Variants in ZNF30 observed in about 807,000 individuals in gnomAD.
The protein encoded by ZNF30 is zinc finger protein 30 (KOX 28).
In ZNF30, 15 loss-of-function variants were observed where a neutral mutation model predicts 13.2. That is an observed-to-expected ratio of 1.13 (90% CI 0.76 to 1.75). The LOEUF (loss-of-function observed/expected upper bound fraction) is 1.75, where lower values mean the gene tolerates loss of function less well. Among genes scored for constraint, ZNF30 ranks in the 40% most tolerant of loss-of-function variants. The pLI is 0.00. For synonymous variants in ZNF30, 223 were observed against 256.6 expected, an observed-to-expected ratio of 0.87 and a Z score of 1.25; for missense variants, 726 against 757.0, an observed-to-expected ratio of 0.96 and a Z score of 0.48.
Position 34,944,142 on chromosome 19 carries a change from A to G in ZNF30, c.1176A>G (p.Arg392=). ...SRASYLVQHG[R]LHTGEKPYEC... ...CCTCATATCTTGTTCAACATGGAAG[A>G]CTTCACACTGGCGAGAAGCCCTATG... Residue 392 remains arginine (R), a synonymous_variant, in exon 5 of 5, where the codon AGA becomes AGG. Coordinates refer to ENST00000601142, the MANE Select transcript of ZNF30 (RefSeq NM_194325.3). 1 of 1,613,720 alleles carries G rather than the reference A, an allele frequency of 6.2e-7. No individual in the cohort carries two copies. The highest frequency in any genetic ancestry group is 8.5e-7 in the Non-Finnish European group (1 of 1,179,738).
At chr19:34,933,125 T>G (rs62122083) in intron 3 of ZNF30, among the ~76,000 whole-genome samples, 45,791 of 151,706 alleles carry the variant, frequency 0.3, 7,081 homozygotes, top group South Asian at 0.35. Context: ...TTATCTATAT[T>G]TATAATAGTT....
chr19:34,936,721 T>G (rs1434948386), intron 4 of ZNF30, among the ~76,000 whole-genome samples: 1 of 151,930 alleles, frequency 6.6e-6, no homozygotes, highest in East Asian at 1.9e-4. Context: ...CATAGGGATA[T>G]CCCATCTCTA....
Position 34,943,631 on chromosome 19 carries a change from A to T in ZNF30, c.665A>T (p.His222Leu). Reference sequence around the variant, plus strand: ...AGTGGTAGCTATCAACTTACAGTACATAAGAGTATTCATACTGGGAAGAAA... The same window carrying T: ...AGTGGTAGCTATCAACTTACAGTACTTAAGAGTATTCATACTGGGAAGAAA... ...TISGSYQLTV[H>L]KSIHTGKKPY... The change falls in exon 5 of 5, where the codon CAT (histidine) becomes CTT (leucine). Residue 222 changes from histidine to leucine, a missense_variant. Transcript: ENST00000601142. 3 of 1,613,822 alleles carry T rather than the reference A, an allele frequency of 1.9e-6. No individual in the cohort carries two copies. The highest frequency in any genetic ancestry group is 2.7e-5 in the African/African-American group (2 of 75,048).
intron 2 of ZNF30, 119 bp from the exon 3 acceptor site, chr19:34,931,724 C>A: frequency 1.0e-6 from 1 of 957,328 alleles, no homozygotes; most frequent in Non-Finnish European, 1.5e-6. Context: ...CATGCTCATC[C>A]ACTTGCCACA....
chr19:34,944,833 C>T lies in ZNF30; in HGVS notation c.1867C>T (p.Pro623Ser), dbSNP rs1482962725. ...VHLRKHMSVI[P>S] ...TCTGAGAAAACATATGAGTGTTATA[C>T]CCTAAGAGTCTGAGGAGTGTGGGAA... is the stretch of plus-strand genomic sequence containing the variant. Residue 623 changes from proline (P) to serine (S), a missense_variant, in exon 5 of 5, where the codon CCC becomes TCC. Pro to Ser is a moderately conservative substitution (Grantham distance 74, BLOSUM62 -1). Transcript: ENST00000601142. The T allele has an allele frequency of 6.3e-7, 1 of 1,582,962 alleles. No individual in the cohort carries two copies.
chr19:34,928,185 G>A (rs902917502), intron 1 of ZNF30, among the ~76,000 whole-genome samples: 1 of 141,220 alleles, frequency 7.1e-6, no homozygotes, highest in Non-Finnish European at 1.5e-5. Context: ...TCCAGCCTGG[G>A]CGACAGAGCG....
intron 2 of ZNF30, 133 bp from the exon 3 acceptor site, chr19:34,931,710 A>G: frequency 1.2e-6 from 1 of 807,268 alleles, no homozygotes. Flanking sequence ...GAACATGCAG[A>G]TACCATGCTC....
At chr19:34,942,673 G>T (rs1432104189) in intron 4 of ZNF30, 1 of 1,286,866 alleles carries the variant, frequency 7.8e-7, no homozygotes, top group East Asian at 5.6e-5. Context: ...GGAACCAAAA[G>T]GTGAGAAAAT....
At chr19:34,928,220 A>ATATAT (rs1555778255) in intron 1 of ZNF30, among the ~76,000 whole-genome samples, 15 of 73,352 alleles carry the variant, frequency 2.0e-4, no homozygotes, top group South Asian at 1.0e-3. Flanking sequence ...AAAAAAAAAA[A>ATATAT]ATATATATAT....
At chr19:34,927,293 C>T (rs1217119869) in intron 1 of ZNF30, 77 bp downstream of exon 1, 3 of 337,758 alleles carry the variant, frequency 8.9e-6, no homozygotes, top group Non-Finnish European at 1.6e-5. Flanking sequence ...GTGCGTCGGC[C>T]GGGGCCGGTG....
chr19:34,939,128 TCCCCTCCCCTCCCCTC>T, intron 4 of ZNF30, among the ~76,000 whole-genome samples: 1 of 67,412 alleles, frequency 1.5e-5, no homozygotes, highest in South Asian at 7.3e-4. Flanking sequence ...TTGTCTCCCC[TCCCCTCCCCTCCCCTC>T]CCCTCCCCTC....
intron 4 of ZNF30, among the ~76,000 whole-genome samples, chr19:34,938,370 T>C (rs1299099298): frequency 6.6e-6 from 1 of 152,112 alleles, no homozygotes; most frequent in Non-Finnish European, 1.5e-5. Flanking sequence ...TTATATTACT[T>C]TGAGGATTTT....
intron 4 of ZNF30, among the ~76,000 whole-genome samples, chr19:34,939,897 T>C (rs1229894239): frequency 6.6e-6 from 1 of 152,220 alleles, no homozygotes. Context: ...TTACACATGA[T>C]TCTTACTGGA....
intron 2 of ZNF30, among the ~76,000 whole-genome samples, chr19:34,931,484 A>G (rs753285390): frequency 1.1e-4 from 16 of 152,318 alleles, no homozygotes; most frequent in Non-Finnish European, 2.1e-4. Flanking sequence ...GGAGAAAGGA[A>G]TCATAGCTAT....
chr19:34,934,095 A>G (rs2012602187), intron 4 of ZNF30, among the ~76,000 whole-genome samples: 1 of 151,924 alleles, frequency 6.6e-6, no homozygotes, highest in Non-Finnish European at 1.5e-5. Context: ...ATGAGGGTTC[A>G]GGCCTTGTAA....
intron 3 of ZNF30, among the ~76,000 whole-genome samples, chr19:34,932,839 G>A (rs935536541): frequency 2.0e-5 from 3 of 148,786 alleles, no homozygotes; most frequent in Admixed American, 6.7e-5. Context: ...GGAGTGCAGT[G>A]TAATGATCTC....
In ZNF30 at chr19:34,929,953, C is replaced by A; in HGVS notation, c.6C>A (p.Ala2=). Residue 2 remains alanine, a synonymous_variant, in exon 2 of 5, where the codon GCC becomes GCA. Coordinates refer to ENST00000601142, the MANE Select transcript of ZNF30 (RefSeq NM_194325.3). ...GTTCTTACAATTCTCAAAGCATGGCCCATGTAAGTTGGTGTTTCTTCTTGA... is the reference window on the plus strand; with the variant it reads ...GTTCTTACAATTCTCAAAGCATGGCACATGTAAGTTGGTGTTTCTTCTTGA... M[A]HKYVGLQYHG... 1.2e-6 allele frequency: 2 copies of A among 1,607,032 alleles called. No individual in the cohort carries two copies. Among genetic ancestry groups the A allele is most frequent in the South Asian group, 2.2e-5 (2 of 89,320 alleles).
rs2013138215 is a variant in ZNF30, at chr19:34,943,286, C to T, written c.320C>T (p.Ser107Phe). ...KEMPTSENCPSFALHQKISRQ... is the reference protein window; with the variant it reads ...KEMPTSENCPFFALHQKISRQ... Reference sequence around the variant, plus strand: ...ATGCCCACCTCTGAAAACTGTCCATCTTTTGCTCTACATCAGAAAATAAGT... The same window carrying T: ...ATGCCCACCTCTGAAAACTGTCCATTTTTTGCTCTACATCAGAAAATAAGT... Residue 107 changes from serine to phenylalanine, a missense_variant, in exon 5 of 5, where the codon TCT (serine) becomes TTT (phenylalanine). By Grantham distance (155) the Ser-to-Phe change is radical. Coordinates refer to ENST00000601142, the MANE Select transcript of ZNF30 (RefSeq NM_194325.3). The T allele has an allele frequency of 6.2e-7, 1 of 1,613,708 alleles. No individual in the cohort carries two copies. Among genetic ancestry groups the T allele is most frequent in the Non-Finnish European group, 8.5e-7 (1 of 1,179,780 alleles).
intron 4 of ZNF30, among the ~76,000 whole-genome samples, chr19:34,937,822 G>A (rs1288796649): frequency 2.0e-5 from 3 of 151,852 alleles, no homozygotes; most frequent in Admixed American, 6.6e-5. Context: ...TTTTCAAGAC[G>A]GAGTCCCACT....
Sources: gnomAD v4.1 joint callset for allele counts (sites outside exome capture counted in the v4.1 genomes callset) on GRCh38, gnomAD v4.1.1 for gene constraint, MANE v1.5 for transcripts, NCBI Gene and HGNC (gene_info 2026-07-23, HGNC 2026-07-21) for gene names.